PRPF6: variants seen among roughly 807,000 people sequenced by gnomAD.
PRPF6 encodes pre-mRNA processing factor 6, also known as pre-mRNA-processing factor 6.
PRPF6 carries 42 observed loss-of-function variants against 118.3 expected under a neutral mutation model. That is an observed-to-expected ratio of 0.35 (90% CI 0.28 to 0.46). The LOEUF (loss-of-function observed/expected upper bound fraction) is 0.46. PRPF6 is among the 20% of genes least tolerant of loss of function. The pLI is 1.00. For synonymous variants in PRPF6, 481 were observed against 485.1 expected (o/e 0.99, Z 0.11); for missense variants, 662 against 1,255.7 (o/e 0.53, Z 7.15).
Position 64,025,936 on chromosome 20 carries a change from C to T in PRPF6, c.1909-3C>T. On this transcript the variant is annotated splice_region_variant and splice_polypyrimidine_tract_variant and intron_variant, in intron 14 of 20. Coordinates refer to ENST00000266079, the MANE Select transcript of PRPF6 (RefSeq NM_012469.4). ...TCTTGACGCTGCTGTACTTGCCCTT[C>T]AGGCCAACCCCAACAGTGAGGAGAT... 1 of 1,613,644 alleles carries T rather than the reference C, an allele frequency of 6.2e-7. No individual in the cohort carries two copies. Among genetic ancestry groups the T allele is most frequent in the Non-Finnish European group, 8.5e-7 (1 of 1,180,038 alleles).
intron 3 of PRPF6, among the ~76,000 whole-genome samples, chr20:63,986,838 T>A (rs913344365): frequency 1.1e-4 from 16 of 151,372 alleles, no homozygotes; most frequent in African/African-American, 3.9e-4. Flanking sequence ...TCAACATTCC[T>A]TGATGATAAA....
At chr20:64,006,504 A>G (rs2123041008) in intron 9 of PRPF6, among the ~76,000 whole-genome samples, 1 of 151,866 alleles carries the variant, frequency 6.6e-6, no homozygotes, top group Admixed American at 6.6e-5. Context: ...TTTAATAGAG[A>G]TGGGGTTTGG....
chr20:64,000,317 C>T lies in PRPF6; in HGVS notation c.1023+558C>T, dbSNP rs186077051. The stretch of plus-strand genomic sequence containing the variant: ...CAGCCTGGCCAACATGGCGAAACCC[C>T]GTCTCTACTAAAAATATGAAAGTTA... On this transcript the variant is annotated intron_variant, in intron 8 of 20. Coordinates refer to ENST00000266079, the MANE Select transcript of PRPF6 (RefSeq NM_012469.4). Among the ~76,000 whole-genome samples the T allele has an allele frequency of 5.9e-3, 892 of 152,022 alleles. 13 individuals are homozygous for T. The highest frequency in any genetic ancestry group is 0.02 in the African/African-American group (841 of 41,506).
chr20:63,983,790 A>T lies in PRPF6; in HGVS notation c.240+575A>T, dbSNP rs138481379. ...CTGCCTCAGTCTCCAAGTAACTGGGATTACAGGCATGCGCCACCATGCCTG... is the reference window on the plus strand; with the variant it reads ...CTGCCTCAGTCTCCAAGTAACTGGGTTTACAGGCATGCGCCACCATGCCTG... On this transcript the variant is annotated intron_variant, in intron 2 of 20. Coordinates refer to ENST00000266079, the MANE Select transcript of PRPF6 (RefSeq NM_012469.4). Among the ~76,000 whole-genome samples the T allele has an allele frequency of 2.7e-3, 404 of 151,508 alleles. 3 individuals are homozygous for T. The highest frequency in any genetic ancestry group is 9.3e-3 in the African/African-American group (385 of 41,226).
intron 9 of PRPF6, among the ~76,000 whole-genome samples, chr20:64,003,205 G>A (rs1308645801): frequency 6.6e-6 from 1 of 152,220 alleles, no homozygotes; most frequent in Non-Finnish European, 1.5e-5. Context: ...ATCTCCCAGA[G>A]AGCTGGGATT....
At chr20:64,007,381 C>T (rs1178751477) in intron 9 of PRPF6, among the ~76,000 whole-genome samples, 3 of 147,522 alleles carry the variant, frequency 2.0e-5, no homozygotes, top group Non-Finnish European at 4.5e-5. Flanking sequence ...CCCGCCTCCC[C>T]TCCCCTCTGC....
At position 64,011,383 on chromosome 20, in the gene PRPF6, C is replaced by T. The variant is rs2059216567; in HGVS notation, c.1404C>T (p.Ile468=). The T allele has an allele frequency of 6.2e-7, 1 of 1,614,208 alleles. No individual in the cohort carries two copies. The highest frequency in any genetic ancestry group is 8.5e-7 in the Non-Finnish European group (1 of 1,180,042). Residue 468 remains isoleucine, a synonymous_variant, in exon 11 of 21, where the codon ATC becomes ATT. Coordinates refer to ENST00000266079, the MANE Select transcript of PRPF6 (RefSeq NM_012469.4). The surrounding 1 kb of genome is among the most constrained non-coding windows in gnomAD (Gnocchi z 6.7). ...ENIPTDRHIW[I]TAAKLEEANG... Reference sequence around the variant, plus strand: ...TTCCTACAGACCGACATATCTGGATCACGGCTGCTAAGCTGGAGGAAGCCA... The same window carrying T: ...TTCCTACAGACCGACATATCTGGATTACGGCTGCTAAGCTGGAGGAAGCCA...
rs45455505 is a variant in PRPF6, at chr20:64,032,101, C to G, written c.2673+57C>G. On this transcript the variant is annotated intron_variant, in intron 20 of 20. Transcript: ENST00000266079. ...CCTTCTGGGACTGTGGCGGGGAGTT[C>G]CGCCAGCCCTGGGGGCTCTAGGAGG... The G allele has an allele frequency of 1.3e-3, 2,083 of 1,611,264 alleles. 2 individuals carry two copies. The highest frequency in any genetic ancestry group is 1.6e-3 in the Non-Finnish European group (1,865 of 1,179,582).
rs1190055814 is a variant in PRPF6 at position 63,988,335 on chromosome 20, C to A, written c.359+3310C>A. ...ACTCTGTCTCAAAAAAAAAAAAAAC[C>A]AAAAAACAAAAATTAGCCGGGTGTG... On this transcript the variant is annotated intron_variant, in intron 3 of 20. Coordinates refer to ENST00000266079, the MANE Select transcript of PRPF6 (RefSeq NM_012469.4). Among the ~76,000 whole-genome samples the A allele has an allele frequency of 2.8e-5, 4 of 143,882 alleles. No homozygotes were observed. In the South Asian group the frequency reaches 6.7e-4, roughly 24 times the overall value. The allele number at this position is 143,882 out of a possible 152,430, so 94.4% of individuals were successfully genotyped here.
At chr20:64,002,846 G>T (rs1254161777) in intron 9 of PRPF6, among the ~76,000 whole-genome samples, 1 of 150,932 alleles carries the variant, frequency 6.6e-6, no homozygotes, top group African/African-American at 2.4e-5. Context: ...GTTTCACTGT[G>T]TTGACCAGGC....
At chr20:64,031,778 C>T in intron 19 of PRPF6, 140 bp from the exon 20 acceptor site, 1 of 1,115,670 alleles carries the variant, frequency 9.0e-7, no homozygotes, top group Non-Finnish European at 1.4e-6. Context: ...TCAGCCGAGG[C>T]CCTGATCCTC....
At chr20:63,994,418 A>G (rs1412024967) in intron 4 of PRPF6, among the ~76,000 whole-genome samples, 1 of 152,166 alleles carries the variant, frequency 6.6e-6, no homozygotes, top group Non-Finnish European at 1.5e-5. Context: ...TGGCCTCCCA[A>G]AGTGCTGGGA....
At chr20:63,993,683 A>G (rs944997649) in intron 4 of PRPF6, among the ~76,000 whole-genome samples, 198 bp downstream of exon 4, 1 of 151,836 alleles carries the variant, frequency 6.6e-6, no homozygotes, top group Non-Finnish European at 1.5e-5. Context: ...CTACTGTAAA[A>G]GGTAGGACAA....
chr20:64,011,587 T>G lies in PRPF6; in HGVS notation c.1524+84T>G. ...AGTCCCACGCAGGACTGGGGGTTGCTGGATGGTACTGGGGAGTCCTGTGCC... is the reference window on the plus strand; with the variant it reads ...AGTCCCACGCAGGACTGGGGGTTGCGGGATGGTACTGGGGAGTCCTGTGCC... On this transcript the variant is annotated intron_variant, in intron 11 of 20. Coordinates refer to ENST00000266079, the MANE Select transcript of PRPF6 (RefSeq NM_012469.4). This position sits in a 1 kb window ranked among gnomAD's most constrained non-coding sequence, Gnocchi z 6.7. 1 of 1,445,748 alleles carries G rather than the reference T, an allele frequency of 6.9e-7. No individual in the cohort carries two copies. The highest frequency in any genetic ancestry group is 9.4e-7 in the Non-Finnish European group (1 of 1,060,748). 89.6% of individuals were successfully genotyped at this position (1,445,748 alleles called of 1,614,324 possible).
At position 64,032,911 on chromosome 20, in the gene PRPF6, T is replaced by C. The variant is rs2059321909; in HGVS notation, c.2744T>C (p.Val915Ala). 5.6e-6 allele frequency: 9 copies of C among 1,613,280 alleles called. No individual in the cohort carries two copies. Among genetic ancestry groups the C allele is most frequent in the African/African-American group, 1.3e-5 (1 of 74,926 alleles). Residue 915 changes from valine to alanine, a missense_variant, in exon 21 of 21, where the codon GTG (valine) becomes GCG (alanine). Val to Ala is a moderately conservative substitution (Grantham distance 64). Around this residue, in one of 10 missense-constraint regions of PRPF6, gnomAD observed 244 missense variants for 383.7 expected, o/e 0.64. Coordinates refer to ENST00000266079, the MANE Select transcript of PRPF6 (RefSeq NM_012469.4). The part of the protein sequence containing the change: ...EPRHGELWCA[V>A]SKDIANWQKK... Reference sequence around the variant, plus strand: ...CGGCATGGGGAGCTGTGGTGCGCCGTGTCCAAGGACATCGCCAACTGGCAG... The same window carrying C: ...CGGCATGGGGAGCTGTGGTGCGCCGCGTCCAAGGACATCGCCAACTGGCAG...
rs112100767 is a variant in PRPF6, at chr20:63,983,004, A to G, written c.72-43A>G. The stretch of plus-strand genomic sequence containing the variant: ...ACCAGGAGTGGAGAAGAGCACAGGA[A>G]CAGAGTTATTCAGACACCCGGTGTC... On this transcript the variant is annotated intron_variant, in intron 1 of 20. Coordinates refer to ENST00000266079, the MANE Select transcript of PRPF6 (RefSeq NM_012469.4). 89 of 1,607,548 alleles carry G rather than the reference A, an allele frequency of 5.5e-5. 1 individual carries two copies. In the African/African-American group the frequency reaches 8.0e-4, roughly 14 times the overall value.
chr20:64,028,592 G>T lies in PRPF6; in HGVS notation c.2431+23G>T. ...CCGGTAAGGGGGTGCCCCGACTCCGGTAAGGGGGTGCCCTGACTCCGGTAA... is the reference window on the plus strand; with the variant it reads ...CCGGTAAGGGGGTGCCCCGACTCCGTTAAGGGGGTGCCCTGACTCCGGTAA... On this transcript the variant is annotated intron_variant, in intron 18 of 20. Transcript: ENST00000266079. This position sits in a 1 kb window ranked among gnomAD's most constrained non-coding sequence, Gnocchi z 6.5. 1 of 1,607,920 alleles carries T rather than the reference G, an allele frequency of 6.2e-7. No homozygotes were observed. The highest frequency in any genetic ancestry group is 8.5e-7 in the Non-Finnish European group (1 of 1,177,912).
At chr20:64,006,542 G>A (rs980660617) in intron 9 of PRPF6, among the ~76,000 whole-genome samples, 12 of 152,100 alleles carry the variant, frequency 7.9e-5, no homozygotes, top group African/African-American at 1.9e-4. Context: ...GGCTGGTCTC[G>A]AACTCCTGAC....
chr20:63,996,564 G>A lies in PRPF6; in HGVS notation c.771+1082G>A, dbSNP rs550423801. On this transcript the variant is annotated intron_variant, in intron 6 of 20. Coordinates refer to ENST00000266079, the MANE Select transcript of PRPF6 (RefSeq NM_012469.4). The stretch of plus-strand genomic sequence containing the variant: ...TCCTGGGCACAAGTGATCTGTCCGC[G>A]CTGGCCTCACAAAGTGCTGGGATTA... 1.7e-4 allele frequency among the ~76,000 whole-genome samples: 26 copies of A among 152,246 alleles called. No homozygotes were observed. The South Asian group carries it at 4.8e-3, about 28-fold the overall frequency.
Sources: allele counts gnomAD v4.1 joint callset (sites outside exome capture counted in the v4.1 genomes callset), GRCh38; gene constraint gnomAD v4.1.1; regional missense constraint gnomAD v4.1.1; non-coding constraint Gnocchi (gnomAD v3.1); transcripts MANE v1.5; gene names NCBI Gene and HGNC (gene_info 2026-07-23, HGNC 2026-07-21).